SLC14A2: variants seen among roughly 807,000 people sequenced by gnomAD.
SLC14A2 encodes urea transporter 2.
A neutral mutation model predicts 104.6 loss-of-function variants in SLC14A2; 91 were observed. That is an observed-to-expected ratio of 0.87 (90% CI 0.73 to 1.04). SLC14A2 has a LOEUF of 1.04. SLC14A2 is among the 50% of genes least tolerant of loss of function. SLC14A2 has a pLI of 0.00. For synonymous variants in SLC14A2, 476 were observed against 466.4 expected (o/e 1.02, Z -0.27); for missense variants, 1,189 against 1,156.0 (o/e 1.03, Z -0.41).
chr18:45,327,688 G>A (rs767414275), intron 1 of SLC14A2, among the ~76,000 whole-genome samples: 9 of 152,098 alleles, frequency 5.9e-5, no homozygotes, highest in East Asian at 1.9e-4. Flanking sequence ...TTCAAGGTTC[G>A]TCTACGTTGT....
intron 1 of SLC14A2, among the ~76,000 whole-genome samples, chr18:45,329,120 G>A (rs1214130103): frequency 1.3e-5 from 2 of 152,174 alleles, no homozygotes; most frequent in African/African-American, 4.8e-5. Context: ...GAAATGTTTT[G>A]ATGATCTATT....
the SLC14A2 span, among the ~76,000 whole-genome samples, chr18:45,204,573 C>T: frequency 6.6e-6 from 1 of 152,078 alleles, no homozygotes; most frequent in Non-Finnish European, 1.5e-5. Context: ...AAATAACACT[C>T]TCAAGAGTAA....
intron 10 of SLC14A2, among the ~76,000 whole-genome samples, chr18:45,654,673 G>A (rs1297560895): frequency 1.3e-5 from 2 of 152,258 alleles, no homozygotes; most frequent in South Asian, 2.1e-4. Flanking sequence ...AATAGATGAG[G>A]AAACCACGGC....
chr18:45,182,624 A>T, the SLC14A2 span, among the ~76,000 whole-genome samples: 108 of 152,176 alleles, frequency 7.1e-4, no homozygotes, highest in Non-Finnish European at 1.1e-3. Flanking sequence ...CCTATGTTTC[A>T]CAAAGAAACA....
chr18:45,238,481 A>G (rs891278059), intron 1 of SLC14A2, among the ~76,000 whole-genome samples: 1 of 152,084 alleles, frequency 6.6e-6, no homozygotes, highest in African/African-American at 2.4e-5. Flanking sequence ...TGGCCCAAAA[A>G]CTCTACTTCT....
chr18:45,272,052 G>C (rs1194207453), intron 1 of SLC14A2, among the ~76,000 whole-genome samples: 2 of 152,104 alleles, frequency 1.3e-5, no homozygotes, highest in Non-Finnish European at 2.9e-5. Context: ...CTAGGGAAAA[G>C]AGAGTCTTTT....
At chr18:45,549,210 G>A (rs1008232179) in intron 2 of SLC14A2, among the ~76,000 whole-genome samples, 15 of 152,242 alleles carry the variant, frequency 9.9e-5, no homozygotes, top group Admixed American at 7.9e-4. Context: ...GTAGGAATTT[G>A]GCTTTTGGTC....
intron 2 of SLC14A2, among the ~76,000 whole-genome samples, chr18:45,591,015 A>G (rs873902): frequency 0.74 from 111,937 of 151,982 alleles, 41,456 homozygotes; most frequent in East Asian, 0.86. Flanking sequence ...CAGAGTCTGA[A>G]CTCTCAAATT....
intron 2 of SLC14A2, among the ~76,000 whole-genome samples, chr18:45,542,035 G>GTTTTTTTTTTGT (rs2043891896): frequency 1.8e-5 from 1 of 54,206 alleles, no homozygotes; most frequent in African/African-American, 6.2e-5. Flanking sequence ...AAGAGAGAGG[G>GTTTTTTTTTTGT]TTTTTTTTTT....
chr18:45,310,817 A>G (rs2085070857), intron 1 of SLC14A2, among the ~76,000 whole-genome samples: 1 of 152,228 alleles, frequency 6.6e-6, no homozygotes, highest in South Asian at 2.1e-4. Context: ...AGGAAGAAGC[A>G]AGCAGGATGG....
Position 45,643,162 on chromosome 18 carries a change from T to A in SLC14A2, c.1157T>A (p.Ile386Asn). 1 of 1,614,128 alleles carries A rather than the reference T, an allele frequency of 6.2e-7. No homozygotes were observed. Among genetic ancestry groups the A allele is most frequent in the Non-Finnish European group, 8.5e-7 (1 of 1,179,970 alleles). ...TTCTGTGCATACATGGAAGCAGCCA[T>A]CTCCAACATCATGTCAGTGGTAAGT... is the stretch of plus-strand genomic sequence containing the variant. ...ALFCAYMEAA[I>N]SNIMSVVGVP... The change falls in exon 9 of 20, where the codon ATC (isoleucine) becomes AAC (asparagine). Residue 386 changes from isoleucine (I) to asparagine (N), a missense_variant. Coordinates refer to ENST00000255226, the MANE Select transcript of SLC14A2 (RefSeq NM_007163.4).
intron 1 of SLC14A2, among the ~76,000 whole-genome samples, chr18:45,346,093 A>G (rs1170363092): frequency 6.6e-6 from 1 of 152,178 alleles, no homozygotes; most frequent in East Asian, 1.9e-4. Flanking sequence ...ACATGTTTTC[A>G]TGATCTGTAT....
At chr18:45,173,145 A>G in the SLC14A2 span, among the ~76,000 whole-genome samples, 3 of 152,250 alleles carry the variant, frequency 2.0e-5, no homozygotes, top group Admixed American at 6.5e-5. Flanking sequence ...TTCACCAACT[A>G]CATGGCCCTT....
intron 2 of SLC14A2, among the ~76,000 whole-genome samples, chr18:45,602,507 A>C (rs755530857): frequency 1.9e-4 from 29 of 152,204 alleles, no homozygotes; most frequent in Non-Finnish European, 3.1e-4. Context: ...CCTCACCCCA[A>C]GGGTGGAGTT....
At chr18:45,562,461 T>C (rs922798628) in intron 2 of SLC14A2, among the ~76,000 whole-genome samples, 3 of 152,150 alleles carry the variant, frequency 2.0e-5, no homozygotes, top group African/African-American at 7.2e-5. Context: ...GTTCAATGAA[T>C]AGGAGAGAGG....
intron 19 of SLC14A2, among the ~76,000 whole-genome samples, chr18:45,681,953 C>T (rs1033338699): frequency 2.6e-5 from 4 of 152,206 alleles, no homozygotes; most frequent in African/African-American, 7.2e-5. Flanking sequence ...CCAACAGGGG[C>T]TGATGGGAGA....
chr18:45,289,082 C>G (rs889651484), intron 1 of SLC14A2, among the ~76,000 whole-genome samples: 5 of 152,190 alleles, frequency 3.3e-5, no homozygotes, highest in Non-Finnish European at 7.3e-5. Context: ...TTCTCAGCCA[C>G]CTCAACAAGA....
At chr18:45,226,622 A>G (rs8096963) in intron 1 of SLC14A2, among the ~76,000 whole-genome samples, 17,076 of 144,846 alleles carry the variant, frequency 0.12, 984 homozygotes, top group South Asian at 0.13. Context: ...TGAACAATGA[A>G]AACATTTGAA....
At chr18:45,647,835 T>C (rs1444269524) in intron 10 of SLC14A2, 1 of 152,126 alleles carries the variant, frequency 6.6e-6, no homozygotes, top group Non-Finnish European at 1.5e-5. Flanking sequence ...GCAGAAAACA[T>C]GGCCTGTAAA....
Sources: allele counts gnomAD v4.1 joint callset (sites outside exome capture counted in the v4.1 genomes callset), GRCh38; gene constraint gnomAD v4.1.1; transcripts MANE v1.5; gene names NCBI Gene and HGNC (gene_info 2026-07-23, HGNC 2026-07-21).